PLA2G12B: variants seen among roughly 807,000 people sequenced by gnomAD.
PLA2G12B encodes group XIIB secretory phospholipase A2-like protein.
PLA2G12B carries 19 observed loss-of-function variants against 22.3 expected under a neutral mutation model. The ratio of observed to expected loss-of-function variants is 0.85; its 90% CI spans 0.60 to 1.25. The LOEUF is 1.25. PLA2G12B is among the 50% of genes most tolerant of loss of function. The pLI is 0.00. For synonymous variants in PLA2G12B, 81 were observed against 94.9 expected (o/e 0.85, Z 0.85); for missense variants, 191 against 246.6 (o/e 0.77, Z 1.51).
intron 1 of PLA2G12B, 106 bp downstream of exon 1, chr10:72,954,369 T>C: frequency 7.2e-7 from 1 of 1,385,688 alleles, no homozygotes; most frequent in Non-Finnish European, 1.0e-6. Context: ...ATCTGGCAGC[T>C]CTAAGTGGAT....
chr10:72,936,036 A>G (rs1846275235), intron 3 of PLA2G12B, among the ~76,000 whole-genome samples: 1 of 152,192 alleles, frequency 6.6e-6, no homozygotes, highest in East Asian at 1.9e-4. Flanking sequence ...AGACTCCCTC[A>G]CATGAACAAC....
intron 3 of PLA2G12B, 70 bp from the exon 4 acceptor site, chr10:72,935,808 A>G: frequency 6.5e-7 from 1 of 1,537,586 alleles, no homozygotes; most frequent in Non-Finnish European, 8.9e-7. Flanking sequence ...CAGGCATGAC[A>G]TGATACCCAG....
At chr10:72,944,325 C>T (rs1407512823) in intron 1 of PLA2G12B, among the ~76,000 whole-genome samples, 1 of 152,084 alleles carries the variant, frequency 6.6e-6, no homozygotes, top group African/African-American at 2.4e-5. Flanking sequence ...ACTCATCATT[C>T]TGTTTTAATT....
Position 72,942,650 on chromosome 10 carries a change from A to G in PLA2G12B, c.300+2T>C, listed in dbSNP as rs1193687811. 6.3e-7 allele frequency: 1 copy of G among 1,598,270 alleles called. No homozygotes were observed. Among genetic ancestry groups the G allele is most frequent in the South Asian group, 1.1e-5 (1 of 88,390 alleles). On this transcript the variant is annotated splice_donor_variant, in intron 2 of 3. Coordinates refer to ENST00000373032, the MANE Select transcript of PLA2G12B (RefSeq NM_032562.5). LOFTEE classifies it high-confidence loss of function. ...CAAGAAGGTAATGCTGGCAGTACAT[A>G]CACTTTCTGGTACCTTGAGACCCAG...
At chr10:72,951,890 T>C (rs1207058807) in intron 1 of PLA2G12B, among the ~76,000 whole-genome samples, 1 of 152,194 alleles carries the variant, frequency 6.6e-6, no homozygotes, top group Admixed American at 6.5e-5. Flanking sequence ...ACTTTAGATA[T>C]GAGAAGCACG....
chr10:72,944,023 T>C (rs1203856086), intron 1 of PLA2G12B, among the ~76,000 whole-genome samples: 1 of 151,898 alleles, frequency 6.6e-6, no homozygotes, highest in Non-Finnish European at 1.5e-5. Context: ...TTCCTTCCTT[T>C]CTTCCTTTCT....
intron 1 of PLA2G12B, among the ~76,000 whole-genome samples, chr10:72,951,452 CTTTTTTTTTTT>C (rs71482537): frequency 8.5e-6 from 1 of 117,136 alleles, no homozygotes; most frequent in Admixed American, 8.5e-5. Context: ...GCACAGACTC[CTTTTTTTTTTT>C]TTTTTTTTTT....
rs1846265393 is a variant in PLA2G12B at position 72,935,463 on chromosome 10, T to C, written c.*154A>G. Reference sequence around the variant, plus strand: ...TTCAAATTTCCTCAAAGGATAGGACTCACTTTCCAGCTGTAGAAAAATGTT... The same window carrying C: ...TTCAAATTTCCTCAAAGGATAGGACCCACTTTCCAGCTGTAGAAAAATGTT... On this transcript the variant is annotated 3_prime_UTR_variant, in exon 4 of 4. Coordinates refer to ENST00000373032, the MANE Select transcript of PLA2G12B (RefSeq NM_032562.5). The C allele has an allele frequency of 1.7e-6, 2 of 1,143,080 alleles. No homozygotes were observed. The highest frequency in any genetic ancestry group is 3.1e-5 in the African/African-American group (2 of 63,978). The allele number at this position is 1,143,080 out of a possible 1,614,324, so 70.8% of individuals were successfully genotyped here.
chr10:72,949,995 G>GA (rs11304148), intron 1 of PLA2G12B, among the ~76,000 whole-genome samples: 87 of 140,960 alleles, frequency 6.2e-4, no homozygotes, highest in Non-Finnish European at 8.5e-4. Flanking sequence ...CAAAATTCCA[G>GA]AAAAAAAAAA....
At chr10:72,939,347 C>T (rs536835785) in intron 3 of PLA2G12B, among the ~76,000 whole-genome samples, 1 of 152,304 alleles carries the variant, frequency 6.6e-6, no homozygotes, top group African/African-American at 2.4e-5. Flanking sequence ...AGGTTGGAAA[C>T]ACTTTGTGTA....
intron 1 of PLA2G12B, among the ~76,000 whole-genome samples, chr10:72,953,680 C>G (rs1479503597): frequency 6.6e-6 from 1 of 152,104 alleles, no homozygotes; most frequent in Non-Finnish European, 1.5e-5. Context: ...TTCCAGGGCC[C>G]CTGGGACCAG....
At chr10:72,954,349 T>A in intron 1 of PLA2G12B, 126 bp downstream of exon 1, 1 of 1,148,300 alleles carries the variant, frequency 8.7e-7, no homozygotes, top group Non-Finnish European at 1.3e-6. Context: ...CCTACATTTT[T>A]ATCTGCTAAA....
chr10:72,942,475 C>A (rs1846378504), intron 2 of PLA2G12B, among the ~76,000 whole-genome samples, 177 bp downstream of exon 2: 1 of 152,092 alleles, frequency 6.6e-6, no homozygotes, highest in African/African-American at 2.4e-5. Context: ...GACAGCTGTC[C>A]CTGAGAAAAG....
At chr10:72,953,102 T>G (rs7077532) in intron 1 of PLA2G12B, among the ~76,000 whole-genome samples, 1 of 152,216 alleles carries the variant, frequency 6.6e-6, no homozygotes, top group African/African-American at 2.4e-5. Flanking sequence ...GGCCTCTGCG[T>G]TGGTCCAACT....
Position 72,954,568 on chromosome 10 carries a change from G to A in PLA2G12B, c.118C>T (p.Arg40Trp), listed in dbSNP as rs564890069. 368 of 1,614,150 alleles carry A rather than the reference G, an allele frequency of 2.3e-4. 5 individuals carry two copies. In the South Asian group the frequency reaches 3.7e-3, roughly 16 times the overall value. ...SYSDWGLRHL[R>W]GSFESVNSYF... is the part of the protein sequence containing the mutation. ...CTATTGACGGATTCAAAGCTTCCCC[G>A]GAGGTGCCGAAGGCCCCAGTCTGAA... Residue 40 changes from arginine to tryptophan, a missense_variant, in exon 1 of 4, where the codon CGG becomes TGG. Physicochemically the swap from Arg to Trp is moderately radical, Grantham distance 101. Transcript: ENST00000373032.
At chr10:72,943,258 A>C (rs1224845852) in intron 1 of PLA2G12B, among the ~76,000 whole-genome samples, 1 of 152,118 alleles carries the variant, frequency 6.6e-6, no homozygotes, top group African/African-American at 2.4e-5. Flanking sequence ...GAGCCACCAC[A>C]CCCAATAAGC....
chr10:72,944,985 G>A (rs1235514799), intron 1 of PLA2G12B, among the ~76,000 whole-genome samples: 1 of 152,184 alleles, frequency 6.6e-6, no homozygotes, highest in Admixed American at 6.5e-5. Flanking sequence ...GCAAAATCTG[G>A]TTGCCAAGGT....
At chr10:72,944,069 TTTC>T (rs571802128) in intron 1 of PLA2G12B, among the ~76,000 whole-genome samples, 15 of 152,058 alleles carry the variant, frequency 9.9e-5, no homozygotes, top group South Asian at 2.1e-4. Context: ...CCTTCCTCCT[TTTC>T]TTCTTCTGCT....
chr10:72,946,447 T>G (rs1490191480), intron 1 of PLA2G12B, among the ~76,000 whole-genome samples: 2 of 152,002 alleles, frequency 1.3e-5, no homozygotes, highest in Non-Finnish European at 2.9e-5. Context: ...TGTGAACATG[T>G]GTTTCATTTC....
Sources: allele counts gnomAD v4.1 joint callset (sites outside exome capture counted in the v4.1 genomes callset), GRCh38; gene constraint gnomAD v4.1.1; transcripts MANE v1.5; gene names NCBI Gene and HGNC (gene_info 2026-07-23, HGNC 2026-07-21).